LPP: variants seen among roughly 807,000 people sequenced by gnomAD.
LPP encodes lipoma-preferred partner.
In LPP, 38 loss-of-function variants were observed where a neutral mutation model predicts 60.4. That is an observed-to-expected ratio of 0.63 (90% CI 0.49 to 0.83). The LOEUF (loss-of-function observed/expected upper bound fraction) is 0.83, where lower values mean the gene tolerates loss of function less well. Ranked by LOEUF, LPP falls within the 40% of genes least tolerant of loss-of-function variation. LPP has a pLI of 0.00. For missense variants in LPP, 902 were observed against 783.6 expected (o/e 1.15, Z -1.80); for synonymous variants, 328 against 290.8 (o/e 1.13, Z -1.30).
At chr3:188,326,041 A>G (rs915782536) in intron 2 of LPP, among the ~76,000 whole-genome samples, 2 of 152,214 alleles carry the variant, frequency 1.3e-5, no homozygotes, top group African/African-American at 4.8e-5. Flanking sequence ...AGTTGTTGGA[A>G]TCTGATTTAG....
intron 7 of LPP, among the ~76,000 whole-genome samples, chr3:188,643,634 C>A (rs1185274311): frequency 1.3e-5 from 2 of 152,004 alleles, no homozygotes; most frequent in Non-Finnish European, 2.9e-5. Context: ...TGTGATGTCT[C>A]CTGTCCTGTG....
chr3:188,725,584 A>G (rs529839313), intron 8 of LPP: 1 of 152,192 alleles, frequency 6.6e-6, no homozygotes, highest in Non-Finnish European at 1.5e-5. Context: ...TGCTCTAAAT[A>G]AGAAGGATAA....
chr3:188,249,828 C>CTACA (rs1728430071), intron 2 of LPP, among the ~76,000 whole-genome samples: 2 of 86,822 alleles, frequency 2.3e-5, no homozygotes, highest in Non-Finnish European at 4.5e-5. Flanking sequence ...CTTTCTCTGT[C>CTACA]TACACACACA....
chr3:188,638,065 A>G lies in LPP; in HGVS notation c.1113+28221A>G, dbSNP rs1283139640. ...AGCCTGGCAGAGACACAACCAAAAA[A>G]GAGAATTTTAGACCAATATCCTTGA... On this transcript the variant is annotated intron_variant, in intron 7 of 11. Coordinates refer to ENST00000617246, the MANE Select transcript of LPP (RefSeq NM_001375462.1). Among the ~76,000 whole-genome samples, 191 of 149,478 alleles carry G rather than the reference A, an allele frequency of 1.3e-3. 1 individual carries two copies. Among genetic ancestry groups the G allele is most frequent in the African/African-American group, 4.5e-3 (185 of 40,782 alleles).
rs144885380 is a variant in LPP, at chr3:188,451,481, G to A, written c.194-33111G>A. On this transcript the variant is annotated intron_variant, in intron 4 of 11. Coordinates refer to ENST00000617246, the MANE Select transcript of LPP (RefSeq NM_001375462.1). ...TCCTTCACATTTTTCAATATTTATT[G>A]TATGGCAATTGCATTGTAGAAACTT... Among the ~76,000 whole-genome samples, 315 of 152,222 alleles carry A rather than the reference G, an allele frequency of 2.1e-3. 2 individuals carry two copies. The highest frequency in any genetic ancestry group is 6.6e-3 in the African/African-American group (275 of 41,522).
At chr3:188,812,501 GA>G (rs1376438041) in intron 9 of LPP, among the ~76,000 whole-genome samples, 1 of 152,052 alleles carries the variant, frequency 6.6e-6, no homozygotes, top group Non-Finnish European at 1.5e-5. Flanking sequence ...TAGAAGAACT[GA>G]AAAAAGCACA....
At chr3:188,677,641 G>A (rs1288176547) in intron 7 of LPP, among the ~76,000 whole-genome samples, 2 of 152,116 alleles carry the variant, frequency 1.3e-5, no homozygotes, top group African/African-American at 4.8e-5. Context: ...AGAGGGGGAG[G>A]GAAGCGTTCC....
chr3:188,213,961 A>AACACACACACACACACAC (rs59389556), intron 1 of LPP, among the ~76,000 whole-genome samples: 4,652 of 130,284 alleles, frequency 0.036, 191 homozygotes, highest in East Asian at 0.13. Context: ...TTAGATTTTA[A>AACACACACACACACACAC]ACACACACAC....
At position 188,156,210 on chromosome 3, in the gene LPP, T is replaced by G. The variant is rs528606033; in HGVS notation, c.-190+1958T>G. On this transcript the variant is annotated intron_variant, in intron 1 of 11. Transcript: ENST00000617246. Reference sequence around the variant, plus strand: ...TCTGGCAGTCCCCCCAGAGGCAGGCTCTCTGTAAGCAGCATGGGTCTAGAG... The same window carrying G: ...TCTGGCAGTCCCCCCAGAGGCAGGCGCTCTGTAAGCAGCATGGGTCTAGAG... Among the ~76,000 whole-genome samples the G allele has an allele frequency of 2.3e-4, 35 of 152,160 alleles. 1 individual carries two copies. In the South Asian group the frequency reaches 7.1e-3, roughly 31 times the overall value.
chr3:188,487,954 A>G (rs191911887), intron 5 of LPP, among the ~76,000 whole-genome samples: 5 of 152,154 alleles, frequency 3.3e-5, no homozygotes, highest in Non-Finnish European at 7.4e-5. Flanking sequence ...CTTAGAGATC[A>G]TTTAGTCCAA....
chr3:188,249,662 TCTTAA>T (rs1728366121), intron 2 of LPP, among the ~76,000 whole-genome samples: 1 of 151,986 alleles, frequency 6.6e-6, no homozygotes, highest in African/African-American at 2.4e-5. Context: ...ATGGTTTTTT[TCTTAA>T]CTTTTTATTG....
intron 8 of LPP, among the ~76,000 whole-genome samples, chr3:188,723,646 C>A (rs1341789200): frequency 1.3e-5 from 2 of 151,942 alleles, no homozygotes; most frequent in African/African-American, 4.8e-5. Flanking sequence ...AACAAAAACA[C>A]TTTGTCCTAT....
At position 188,442,456 on chromosome 3, in the gene LPP, G is replaced by A. The variant is rs956290797; in HGVS notation, c.193+36143G>A. On this transcript the variant is annotated intron_variant, in intron 4 of 11. Coordinates refer to ENST00000617246, the MANE Select transcript of LPP (RefSeq NM_001375462.1). ...ATTCAACTTAATGAAATGTTGCTAC[G>A]TATTTTCTCTGTTCTCATCACTGAC... Among the ~76,000 whole-genome samples the A allele has an allele frequency of 7.2e-5, 11 of 152,264 alleles. No individual in the cohort carries two copies. The South Asian group carries it at 1.9e-3, about 26-fold the overall frequency.
chr3:188,392,800 C>T (rs1028037308), intron 3 of LPP, among the ~76,000 whole-genome samples: 16 of 152,034 alleles, frequency 1.1e-4, no homozygotes, highest in Non-Finnish European at 1.9e-4. Context: ...AGATGGGAGG[C>T]CACTGCAGTA....
At chr3:188,279,702 C>T (rs1741258591) in intron 2 of LPP, among the ~76,000 whole-genome samples, 1 of 152,178 alleles carries the variant, frequency 6.6e-6, no homozygotes, top group Non-Finnish European at 1.5e-5. Flanking sequence ...GTTCAACACA[C>T]ATTTTAGGGA....
At chr3:188,382,587 ACT>A (rs1384731439) in intron 3 of LPP, among the ~76,000 whole-genome samples, 2 of 151,432 alleles carry the variant, frequency 1.3e-5, no homozygotes, top group Admixed American at 6.6e-5. Context: ...GTTTTTTCCC[ACT>A]CTCTGGGTTA....
chr3:188,480,457 C>T lies in LPP; in HGVS notation c.194-4135C>T, dbSNP rs1185486914. Among the ~76,000 whole-genome samples, 5 of 152,140 alleles carry T rather than the reference C, an allele frequency of 3.3e-5. No individual in the cohort carries two copies. In the East Asian group the frequency reaches 9.6e-4, roughly 29 times the overall value. On this transcript the variant is annotated intron_variant, in intron 4 of 11. Transcript: ENST00000617246. ...CACCAGCTATGTAACTTTGAATAAA[C>T]CATTTTACATGAAAATTGAGGCATA...
intron 2 of LPP, among the ~76,000 whole-genome samples, chr3:188,320,485 G>T (rs776651209): frequency 3.9e-5 from 6 of 152,180 alleles, no homozygotes; most frequent in Non-Finnish European, 8.8e-5. Context: ...GCCTGTCTCA[G>T]AAACCACATC....
At chr3:188,408,163 A>G (rs1394071693) in intron 4 of LPP, among the ~76,000 whole-genome samples, 1 of 152,126 alleles carries the variant, frequency 6.6e-6, no homozygotes, top group Non-Finnish European at 1.5e-5. Flanking sequence ...CTTTTGGGGA[A>G]AGCTTCAGTG....
Sources: gnomAD v4.1 joint callset for allele counts (sites outside exome capture counted in the v4.1 genomes callset) on GRCh38, gnomAD v4.1.1 for gene constraint, MANE v1.5 for transcripts, NCBI Gene and HGNC (gene_info 2026-07-23, HGNC 2026-07-21) for gene names.